PALS1: variants seen among roughly 807,000 people sequenced by gnomAD.
PALS1 encodes the protein protein PALS1.
In PALS1, 31 loss-of-function variants were observed where a neutral mutation model predicts 78.9. The observed-to-expected ratio is 0.39, with a 90% CI of 0.30 to 0.53. PALS1 has a LOEUF of 0.53. PALS1 is among the 20% of genes least tolerant of loss of function. The pLI is 0.67. For missense variants in PALS1, 704 were observed against 826.5 expected, an observed-to-expected ratio of 0.85 and a Z score of 1.82; for synonymous variants, 276 against 270.9, an observed-to-expected ratio of 1.02 and a Z score of -0.18.
At chr14:67,279,602 T>C (rs1289633235) in intron 3 of PALS1, 65 bp downstream of exon 3, 1 of 1,409,528 alleles carries the variant, frequency 7.1e-7, no homozygotes, top group African/African-American at 1.4e-5. Flanking sequence ...TTATAATGTA[T>C]ATGAGAAGGA....
intron 9 of PALS1, among the ~76,000 whole-genome samples, chr14:67,315,021 T>C (rs958046967): frequency 6.6e-6 from 1 of 152,104 alleles, no homozygotes; most frequent in African/African-American, 2.4e-5. Context: ...GGTGGAAGGA[T>C]TGCATGAGGC....
At chr14:67,308,234 T>TAA (rs11442716) in intron 8 of PALS1, among the ~76,000 whole-genome samples, 21,804 of 138,748 alleles carry the variant, frequency 0.16, 3,148 homozygotes, top group East Asian at 0.42. Context: ...CTTAACAGTT[T>TAA]AAAAAAAAAA....
intron 3 of PALS1, among the ~76,000 whole-genome samples, chr14:67,287,758 C>T (rs970254230): frequency 6.6e-6 from 1 of 152,184 alleles, no homozygotes; most frequent in African/African-American, 2.4e-5. Context: ...GTCATCTATA[C>T]GGTTAGACCA....
At chr14:67,326,726 G>A (rs938281429) in intron 14 of PALS1, among the ~76,000 whole-genome samples, 5 of 152,220 alleles carry the variant, frequency 3.3e-5, no homozygotes, top group Admixed American at 1.3e-4. Flanking sequence ...GAAGCATGCC[G>A]TTTGTTAAAG....
At chr14:67,330,273 G>A (rs2085428430) in intron 14 of PALS1, among the ~76,000 whole-genome samples, 1 of 150,824 alleles carries the variant, frequency 6.6e-6, no homozygotes, top group Non-Finnish European at 1.5e-5. Context: ...TGCTTTCTTT[G>A]ACTATAATTT....
intron 1 of PALS1, among the ~76,000 whole-genome samples, chr14:67,248,668 G>A (rs868173221): frequency 6.6e-6 from 1 of 152,022 alleles, no homozygotes; most frequent in African/African-American, 2.4e-5. Context: ...TTTTAGCTTC[G>A]TGGGCCATAT....
intron 1 of PALS1, among the ~76,000 whole-genome samples, chr14:67,247,043 G>A (rs1401386054): frequency 6.6e-6 from 1 of 152,066 alleles, no homozygotes; most frequent in African/African-American, 2.4e-5. Context: ...TAGTTCCTTT[G>A]CTTTCTGTAT....
Position 67,292,529 on chromosome 14 carries a change from C to T in PALS1, c.386C>T (p.Ser129Phe). 1 of 1,611,014 alleles carries T rather than the reference C, an allele frequency of 6.2e-7. No homozygotes were observed. The highest frequency in any genetic ancestry group is 8.5e-7 in the Non-Finnish European group (1 of 1,177,714). Residue 129 changes from serine to phenylalanine, a missense_variant, in exon 4 of 15, where the codon TCT (serine) becomes TTT (phenylalanine). Coordinates refer to ENST00000261681, the MANE Select transcript of PALS1 (RefSeq NM_022474.4). ...CTACTAGAAATAGAAGACTTGTTTT[C>T]TTCACTTAAACATATCCAACATACT... The part of the protein sequence containing the change: ...VKILEIEDLF[S>F]SLKHIQHTLV...
intron 4 of PALS1, among the ~76,000 whole-genome samples, chr14:67,295,498 A>AG (rs1432126651): frequency 6.6e-6 from 1 of 151,992 alleles, no homozygotes; most frequent in African/African-American, 2.4e-5. Context: ...TCAAAAAAAA[A>AG]AAAACTCTTG....
chr14:67,243,928 T>C (rs1408682655), intron 1 of PALS1, among the ~76,000 whole-genome samples: 1 of 152,226 alleles, frequency 6.6e-6, no homozygotes, highest in Non-Finnish European at 1.5e-5. Flanking sequence ...AAGTAATCCG[T>C]AGTCTGACTG....
At chr14:67,327,131 C>T (rs182157949) in intron 14 of PALS1, among the ~76,000 whole-genome samples, 84 of 152,076 alleles carry the variant, frequency 5.5e-4, no homozygotes, top group African/African-American at 1.7e-3. Context: ...ACCGGGATTG[C>T]GCCACTGCAC....
intron 1 of PALS1, among the ~76,000 whole-genome samples, chr14:67,243,745 C>T (rs2083941809): frequency 1.3e-5 from 2 of 152,078 alleles, no homozygotes; most frequent in African/African-American, 2.4e-5. Context: ...ATCCGCCCGC[C>T]TCGCCCTCCC....
chr14:67,302,544 A>G lies in PALS1; in HGVS notation c.936A>G (p.Lys312=). ...TTAATGGCATTGAAATTCGGGGGAA[A>G]GATGTCAATGAGGTTTTTGACTTGT... ...LEINGIEIRG[K]DVNEVFDLLS... is the part of the protein sequence containing the mutation. Residue 312 remains lysine (K), a synonymous_variant, in exon 7 of 15, where the codon AAA becomes AAG. Coordinates refer to ENST00000261681, the MANE Select transcript of PALS1 (RefSeq NM_022474.4). 6.4e-7 allele frequency: 1 copy of G among 1,570,942 alleles called. No individual in the cohort carries two copies. Among genetic ancestry groups the G allele is most frequent in the Non-Finnish European group, 8.6e-7 (1 of 1,159,764 alleles).
intron 1 of PALS1, among the ~76,000 whole-genome samples, chr14:67,245,638 C>T (rs945801935): frequency 2.0e-5 from 3 of 152,018 alleles, no homozygotes; most frequent in African/African-American, 4.8e-5. Flanking sequence ...ACGCATGAGC[C>T]GCTGCCCCAA....
At chr14:67,252,304 A>G (rs1485818404) in intron 1 of PALS1, among the ~76,000 whole-genome samples, 2 of 152,086 alleles carry the variant, frequency 1.3e-5, no homozygotes, top group Non-Finnish European at 2.9e-5. Context: ...GGCGTGCACC[A>G]CCATACCTAG....
At chr14:67,296,333 G>T (rs959236992) in intron 4 of PALS1, among the ~76,000 whole-genome samples, 27 of 152,002 alleles carry the variant, frequency 1.8e-4, no homozygotes, top group Non-Finnish European at 2.9e-4. Context: ...GGATGCAGTG[G>T]CTCACGCCTG....
At chr14:67,292,424 A>T in intron 3 of PALS1, 87 bp from the exon 4 acceptor site, 1 of 876,652 alleles carries the variant, frequency 1.1e-6, no homozygotes, top group Non-Finnish European at 1.8e-6. Context: ...TTAAATTGTT[A>T]CTGGTTCAAA....
intron 1 of PALS1, among the ~76,000 whole-genome samples, chr14:67,264,613 T>C (rs950367982): frequency 1.3e-5 from 2 of 152,214 alleles, no homozygotes; most frequent in South Asian, 2.1e-4. Flanking sequence ...AGTGTGGAAA[T>C]AAATTTTTTA....
In PALS1 at chr14:67,292,492, C is replaced by A. The variant is rs2084786708; in HGVS notation, c.368-19C>A. On this transcript the variant is annotated intron_variant, in intron 3 of 14. Coordinates refer to ENST00000261681, the MANE Select transcript of PALS1 (RefSeq NM_022474.4). ...TACTGAAACAGTTAATTTTTGGATA[C>A]CTTTTCTTCTTCTACTAGAAATAGA... The A allele has an allele frequency of 2.6e-6, 4 of 1,521,856 alleles. No homozygotes were observed. Among genetic ancestry groups the A allele is most frequent in the African/African-American group, 1.4e-5 (1 of 72,866 alleles). The allele number at this position is 1,521,856 out of a possible 1,614,324, so 94.3% of individuals were successfully genotyped here. A position where few individuals can be genotyped will look rare whatever the true frequency, so the allele number is the denominator to read the frequency against.
Sources: allele counts gnomAD v4.1 joint callset (sites outside exome capture counted in the v4.1 genomes callset), GRCh38; gene constraint gnomAD v4.1.1; transcripts MANE v1.5; gene names NCBI Gene and HGNC (gene_info 2026-07-23, HGNC 2026-07-21).